The following CAMK4 variants were observed in gnomAD, a reference collection of about 807,000 sequenced individuals.
The protein encoded by CAMK4 is calcium/calmodulin-dependent protein kinase type IV.
Under a neutral mutation model 44.9 loss-of-function variants are expected in CAMK4, and 22 were observed. The observed-to-expected ratio is 0.49, with a 90% CI of 0.35 to 0.70. CAMK4 has a LOEUF of 0.70. CAMK4 is among the 30% of genes least tolerant of loss of function. The pLI, the probability that CAMK4 is intolerant of heterozygous loss-of-function variation, is 0.01. For missense variants in CAMK4, 498 were observed against 586.8 expected, an observed-to-expected ratio of 0.85 and a Z score of 1.56; for synonymous variants, 218 against 215.4, an observed-to-expected ratio of 1.01 and a Z score of -0.11.
At chr5:111,271,418 G>A (rs1028478630) in intron 1 of CAMK4, among the ~76,000 whole-genome samples, 3 of 152,156 alleles carry the variant, frequency 2.0e-5, no homozygotes, top group African/African-American at 7.2e-5. Flanking sequence ...GGAACATGGT[G>A]CGCTTCAAGG....
At chr5:111,465,828 G>T (rs1377440527) in intron 7 of CAMK4, among the ~76,000 whole-genome samples, 1 of 152,064 alleles carries the variant, frequency 6.6e-6, no homozygotes, top group Non-Finnish European at 1.5e-5. Context: ...GATAAAGAGG[G>T]AATCCTCCCT....
chr5:111,327,521 C>A (rs1263046245), intron 1 of CAMK4, among the ~76,000 whole-genome samples: 5 of 152,074 alleles, frequency 3.3e-5, no homozygotes, highest in Non-Finnish European at 5.9e-5. Flanking sequence ...TGGGTATATA[C>A]CCAGTAATGG....
In CAMK4 at chr5:111,336,536, A is replaced by G. The variant is rs192696550; in HGVS notation, c.162-7488A>G. On this transcript the variant is annotated intron_variant, in intron 1 of 10. Transcript: ENST00000282356. The stretch of plus-strand genomic sequence containing the variant: ...TCCACATAAGTTCTTCTTTTAGCTT[A>G]CTCTTTCTTGCCTTTAAAAATTTAT... Among the ~76,000 whole-genome samples the G allele has an allele frequency of 6.0e-5, 9 of 150,966 alleles. No individual in the cohort carries two copies. In the East Asian group the frequency reaches 9.8e-4, roughly 16 times the overall value.
chr5:111,295,047 A>G (rs1301158943), intron 1 of CAMK4, among the ~76,000 whole-genome samples: 1 of 152,238 alleles, frequency 6.6e-6, no homozygotes, highest in Non-Finnish European at 1.5e-5. Flanking sequence ...TAAAAGTCTT[A>G]CAGATTTAAA....
chr5:111,286,369 G>A (rs986588631), intron 1 of CAMK4, among the ~76,000 whole-genome samples: 13 of 152,088 alleles, frequency 8.5e-5, no homozygotes, highest in African/African-American at 2.9e-4. Flanking sequence ...TGTATAGTTG[G>A]CTAATTTTTG....
chr5:111,436,802 G>T (rs1580751213), intron 5 of CAMK4, among the ~76,000 whole-genome samples: 1 of 152,262 alleles, frequency 6.6e-6, no homozygotes. Flanking sequence ...AAAAGTTTCA[G>T]ACACAAAGGG....
intron 1 of CAMK4, among the ~76,000 whole-genome samples, chr5:111,249,711 C>A: frequency 7.1e-6 from 1 of 140,446 alleles, no homozygotes; most frequent in South Asian, 2.3e-4. Flanking sequence ...TGTGTATTTG[C>A]TTTCACCTAA....
chr5:111,321,208 A>C (rs1240647756), intron 1 of CAMK4, among the ~76,000 whole-genome samples: 2 of 152,134 alleles, frequency 1.3e-5, no homozygotes, highest in African/African-American at 4.8e-5. Context: ...AAATGTGTGA[A>C]GCTGCTGGCT....
intron 1 of CAMK4, among the ~76,000 whole-genome samples, chr5:111,341,995 T>C (rs1489055801): frequency 6.6e-6 from 1 of 151,546 alleles, no homozygotes; most frequent in Non-Finnish European, 1.5e-5. Flanking sequence ...TTCATGTCTA[T>C]TCTTTCTTCA....
chr5:111,252,855 T>C (rs1322567703), intron 1 of CAMK4, among the ~76,000 whole-genome samples: 1 of 152,204 alleles, frequency 6.6e-6, no homozygotes, highest in African/African-American at 2.4e-5. Flanking sequence ...CAGCATTGTA[T>C]AGACTAGAAA....
chr5:111,292,451 A>AGT (rs1025904707), intron 1 of CAMK4, among the ~76,000 whole-genome samples: 7 of 152,164 alleles, frequency 4.6e-5, no homozygotes, highest in South Asian at 2.1e-4. Context: ...ATGTATATAT[A>AGT]GTGTGTGTGT....
chr5:111,341,481 CT>C (rs1476861545), intron 1 of CAMK4, among the ~76,000 whole-genome samples: 1 of 150,986 alleles, frequency 6.6e-6, no homozygotes, highest in African/African-American at 2.4e-5. Context: ...ACCGAATTGC[CT>C]TTTTACCATT....
At chr5:111,231,951 A>G (rs1748495503) in intron 1 of CAMK4, among the ~76,000 whole-genome samples, 1 of 152,236 alleles carries the variant, frequency 6.6e-6, no homozygotes, top group Admixed American at 6.5e-5. Context: ...AGTTAAAACC[A>G]GAGTAGCACA....
At chr5:111,408,065 C>T (rs187441778) in intron 5 of CAMK4, among the ~76,000 whole-genome samples, 121 of 152,054 alleles carry the variant, frequency 8.0e-4, no homozygotes, top group African/African-American at 2.3e-3. Context: ...GCCAAGATCA[C>T]GCCACTGCAC....
chr5:111,407,321 A>T (rs549155353), intron 5 of CAMK4, among the ~76,000 whole-genome samples: 1 of 150,524 alleles, frequency 6.6e-6, no homozygotes, highest in Non-Finnish European at 1.5e-5. Flanking sequence ...ACTGCACTCT[A>T]GCCTGGGTGA....
chr5:111,355,363 G>C (rs1312280502), intron 2 of CAMK4, among the ~76,000 whole-genome samples: 7 of 152,174 alleles, frequency 4.6e-5, no homozygotes, highest in Non-Finnish European at 7.4e-5. Context: ...GGCCTGATTT[G>C]TATGCTTTAC....
intron 5 of CAMK4, among the ~76,000 whole-genome samples, chr5:111,444,988 G>A (rs567069136): frequency 6.6e-6 from 1 of 152,298 alleles, no homozygotes; most frequent in African/African-American, 2.4e-5. Context: ...TGCATACATT[G>A]TTTGTGTGAG....
Position 111,342,803 on chromosome 5 carries a change from A to G in CAMK4, c.162-1221A>G, listed in dbSNP as rs368723782. 1.3e-4 allele frequency among the ~76,000 whole-genome samples: 19 copies of G among 151,662 alleles called. No homozygotes were observed. In the East Asian group the frequency reaches 2.1e-3, roughly 17 times the overall value. On this transcript the variant is annotated intron_variant, in intron 1 of 10. Coordinates refer to ENST00000282356, the MANE Select transcript of CAMK4 (RefSeq NM_001744.6). ...CATTGCCATAGGTTACATAATATGC[A>G]TCTTTAATCAGTCTATATTTAAATA...
intron 7 of CAMK4, among the ~76,000 whole-genome samples, chr5:111,459,686 C>CTTTTTTTTTTTTTTTTTTTTTTTT (rs56176713): frequency 1.2e-5 from 1 of 86,690 alleles, no homozygotes; most frequent in African/African-American, 5.0e-5. Context: ...TAGAGACAGT[C>CTTTTTTTTTTTTTTTTTTTTTTTT]TTTTTTTTTT....
Sources: gnomAD v4.1 joint callset for allele counts (sites outside exome capture counted in the v4.1 genomes callset) on GRCh38, gnomAD v4.1.1 for gene constraint, MANE v1.5 for transcripts, NCBI Gene and HGNC (gene_info 2026-07-23, HGNC 2026-07-21) for gene names.